Variants in UBASH3B observed in about 807,000 individuals in gnomAD.
The protein encoded by UBASH3B is ubiquitin-associated and SH3 domain-containing protein B.
UBASH3B carries 37 observed loss-of-function variants against 83.4 expected under a neutral mutation model. That is an observed-to-expected ratio of 0.44 (90% CI 0.34 to 0.58). The LOEUF (loss-of-function observed/expected upper bound fraction) is 0.58, where lower values mean the gene tolerates loss of function less well. Ranked by LOEUF, UBASH3B falls within the 20% of genes least tolerant of loss-of-function variation. UBASH3B has a pLI of 0.01. For missense variants in UBASH3B, 657 were observed against 827.2 expected, an observed-to-expected ratio of 0.79 and a Z score of 2.52; for synonymous variants, 304 against 318.3, an observed-to-expected ratio of 0.96 and a Z score of 0.48.
chr11:122,778,682 G>A (rs1860786794), intron 3 of UBASH3B, among the ~76,000 whole-genome samples: 1 of 149,084 alleles, frequency 6.7e-6, no homozygotes, highest in Non-Finnish European at 1.5e-5. Context: ...TTGGCTCACT[G>A]CAACCTCTGC....
At chr11:122,662,972 C>CTTT (rs568564848) in intron 1 of UBASH3B, among the ~76,000 whole-genome samples, 52 of 110,576 alleles carry the variant, frequency 4.7e-4, no homozygotes, top group East Asian at 8.4e-4. Context: ...GCGCTAATGT[C>CTTT]TTTTTTTTTT....
intron 1 of UBASH3B, among the ~76,000 whole-genome samples, chr11:122,678,671 TAGTC>T (rs148012436): frequency 0.062 from 9,487 of 152,218 alleles, 388 homozygotes; most frequent in Admixed American, 0.1. Flanking sequence ...CTCCACAAAA[TAGTC>T]AGTCATGGGG....
At chr11:122,795,661 C>T (rs1861142002) in intron 7 of UBASH3B, among the ~76,000 whole-genome samples, 1 of 152,170 alleles carries the variant, frequency 6.6e-6, no homozygotes, top group South Asian at 2.1e-4. Flanking sequence ...AATAGGAAAA[C>T]AGGGTCTCAT....
rs151260370 is a variant in UBASH3B, at chr11:122,679,285, G to T, written c.161+23075G>T. On this transcript the variant is annotated intron_variant, in intron 1 of 13. Coordinates refer to ENST00000284273, the MANE Select transcript of UBASH3B (RefSeq NM_032873.5). ...TGGTGCACCAACGCAGTGTATTTGG[G>T]GGCAGAGGAGCTGGAGAAGCTGGCG... Among the ~76,000 whole-genome samples, 92 of 152,346 alleles carry T rather than the reference G, an allele frequency of 6.0e-4. No individual in the cohort carries two copies. The East Asian group carries it at 0.015, about 25-fold the overall frequency.
chr11:122,763,080 C>A (rs1373162704), intron 1 of UBASH3B, among the ~76,000 whole-genome samples: 4 of 152,186 alleles, frequency 2.6e-5, no homozygotes, highest in African/African-American at 9.7e-5. Flanking sequence ...TGTCCACAGT[C>A]CCATCGCTAA....
intron 10 of UBASH3B, 86 bp downstream of exon 10, chr11:122,799,120 A>G: frequency 8.9e-7 from 1 of 1,129,502 alleles, no homozygotes; most frequent in South Asian, 1.3e-5. Flanking sequence ...GAGCCATGGG[A>G]CATTTGCCAG....
Position 122,699,814 on chromosome 11 carries a change from G to A in UBASH3B, c.161+43604G>A, listed in dbSNP as rs895684755. ...GCTCTGGCTGGTCTTGAACTCCTGA[G>A]CTCAAGTAATCTACCTGCCTCGGCC... On this transcript the variant is annotated intron_variant, in intron 1 of 13. Transcript: ENST00000284273. Among the ~76,000 whole-genome samples, 23 of 152,106 alleles carry A rather than the reference G, an allele frequency of 1.5e-4. No homozygotes were observed. In the South Asian group the frequency reaches 3.1e-3, roughly 21 times the overall value.
At chr11:122,807,173 CACA>C (rs1035293343) in intron 12 of UBASH3B, among the ~76,000 whole-genome samples, 5 of 152,174 alleles carry the variant, frequency 3.3e-5, no homozygotes, top group Non-Finnish European at 7.3e-5. Context: ...CATAAAGGTA[CACA>C]ACATGTTCTA....
chr11:122,785,498 T>TA (rs1860931602), intron 5 of UBASH3B, among the ~76,000 whole-genome samples: 1 of 152,218 alleles, frequency 6.6e-6, no homozygotes, highest in Non-Finnish European at 1.5e-5. Context: ...CTCATTCCTC[T>TA]GCTATTTAGA....
At chr11:122,722,436 T>G (rs923771779) in intron 1 of UBASH3B, among the ~76,000 whole-genome samples, 1 of 151,984 alleles carries the variant, frequency 6.6e-6, no homozygotes, top group African/African-American at 2.4e-5. Context: ...TTCTGCCAGA[T>G]ACTGAGAGAG....
intron 1 of UBASH3B, among the ~76,000 whole-genome samples, chr11:122,695,192 G>T (rs911150841): frequency 2.0e-5 from 3 of 151,952 alleles, no homozygotes; most frequent in Non-Finnish European, 4.4e-5. Flanking sequence ...TTGAACTCCC[G>T]ACCTCAAGTG....
chr11:122,779,860 C>T (rs1051424531), intron 4 of UBASH3B, among the ~76,000 whole-genome samples, 165 bp downstream of exon 4: 1 of 152,198 alleles, frequency 6.6e-6, no homozygotes, highest in African/African-American at 2.4e-5. Context: ...CAGCACCCCA[C>T]GTCTTGCTCC....
In UBASH3B at chr11:122,811,807, C is replaced by A. The variant is rs540226201; in HGVS notation, c.*1921C>A. On this transcript the variant is annotated 3_prime_UTR_variant, in exon 14 of 14. Transcript: ENST00000284273. ...GGGAGGGAATATTCCCAATAAAGGTCTTAAGAGAAAAGTCACATTACAAGT... is the reference window on the plus strand; with the variant it reads ...GGGAGGGAATATTCCCAATAAAGGTATTAAGAGAAAAGTCACATTACAAGT... 29 of 152,252 alleles carry A rather than the reference C, an allele frequency of 1.9e-4. No individual in the cohort carries two copies. Among genetic ancestry groups the A allele is most frequent in the African/African-American group, 7.0e-4 (29 of 41,560 alleles). The allele number at this position is 152,252 out of a possible 1,614,324, so 9.4% of individuals were successfully genotyped here.
chr11:122,794,801 G>A lies in UBASH3B; in HGVS notation c.1080G>A (p.Thr360=), dbSNP rs763629367. 7.4e-6 allele frequency: 12 copies of A among 1,613,908 alleles called. No homozygotes were observed. Among genetic ancestry groups the A allele is most frequent in the Admixed American group, 3.3e-5 (2 of 60,012 alleles). Residue 360 remains threonine, a synonymous_variant, in exon 7 of 14, where the codon ACG becomes ACA. Transcript: ENST00000284273. The part of the protein sequence containing the change: ...RPYEDQGLGE[T]TPLTIICQPM... ...ATGAGGACCAGGGGCTCGGGGAGAC[G>A]ACTCCTCTTACTATCATCTGCCAGC... is the stretch of plus-strand genomic sequence containing the variant.
chr11:122,811,527 A>G lies in UBASH3B; in HGVS notation c.*1641A>G, dbSNP rs1481276983. The G allele has an allele frequency of 6.6e-6, 1 of 152,114 alleles. No homozygotes were observed. Among genetic ancestry groups the G allele is most frequent in the Non-Finnish European group, 1.5e-5 (1 of 68,036 alleles). The allele number at this position is 152,114 out of a possible 1,614,324, so 9.4% of individuals were successfully genotyped here. A position where few individuals can be genotyped will look rare whatever the true frequency, so the allele number is the denominator to read the frequency against. ...GTTTTTAGAGACAGGGTCTCACTAT[A>G]ATGCTTAGACTGGTCTTGAACTCCT... On this transcript the variant is annotated 3_prime_UTR_variant, in exon 14 of 14. Coordinates refer to ENST00000284273, the MANE Select transcript of UBASH3B (RefSeq NM_032873.5).
At chr11:122,737,080 A>C (rs940143969) in intron 1 of UBASH3B, among the ~76,000 whole-genome samples, 3 of 152,162 alleles carry the variant, frequency 2.0e-5, no homozygotes, top group Non-Finnish European at 4.4e-5. Flanking sequence ...GAACTGAAAG[A>C]AATCTAATGT....
At chr11:122,718,108 A>G (rs904242089) in intron 1 of UBASH3B, among the ~76,000 whole-genome samples, 15 of 151,964 alleles carry the variant, frequency 9.9e-5, no homozygotes, top group Admixed American at 7.2e-4. Context: ...TTTTAGTAGT[A>G]GAGACGGGGT....
chr11:122,677,774 GGGTA>G (rs1295530449), intron 1 of UBASH3B, among the ~76,000 whole-genome samples: 3 of 151,932 alleles, frequency 2.0e-5, no homozygotes, highest in Admixed American at 1.3e-4. Flanking sequence ...GCTCTTATAA[GGGTA>G]CTATTGCTTT....
chr11:122,760,702 G>C (rs1411193291), intron 1 of UBASH3B, among the ~76,000 whole-genome samples: 1 of 152,208 alleles, frequency 6.6e-6, no homozygotes, highest in Non-Finnish European at 1.5e-5. Context: ...CCAGGGAGCA[G>C]AATGTTTGAG....
Sources: allele counts gnomAD v4.1 joint callset (sites outside exome capture counted in the v4.1 genomes callset), GRCh38; gene constraint gnomAD v4.1.1; transcripts MANE v1.5; gene names NCBI Gene and HGNC (gene_info 2026-07-23, HGNC 2026-07-21).